Variants in CRTAC1 observed in about 807,000 individuals in gnomAD.
CRTAC1 encodes the protein acidic secreted protein in cartilage.
Under a neutral mutation model 67.8 loss-of-function variants are expected in CRTAC1, and 37 were observed. The observed-to-expected ratio is 0.55, with a 90% CI of 0.42 to 0.72. CRTAC1 has a LOEUF of 0.72. CRTAC1 is among the 30% of genes least tolerant of loss of function. The pLI, the probability that CRTAC1 is intolerant of heterozygous loss-of-function variation, is 0.00. For missense variants in CRTAC1, 780 were observed against 931.6 expected, an observed-to-expected ratio of 0.84 and a Z score of 2.12; for synonymous variants, 348 against 371.0, an observed-to-expected ratio of 0.94 and a Z score of 0.71.
chr10:98,022,122 G>A (rs746182333), intron 1 of CRTAC1, among the ~76,000 whole-genome samples: 1 of 152,048 alleles, frequency 6.6e-6, no homozygotes, highest in African/African-American at 2.4e-5. Context: ...TTGGGAGGCC[G>A]AGGCGGGCAG....
intron 2 of CRTAC1, among the ~76,000 whole-genome samples, chr10:97,994,799 G>C (rs1256104513): frequency 1.3e-5 from 2 of 152,218 alleles, no homozygotes; most frequent in African/African-American, 4.8e-5. Flanking sequence ...ACAGGATCCT[G>C]TGATTGGAAC....
chr10:97,866,743 T>C (rs1200250922), intron 14 of CRTAC1: 1 of 152,230 alleles, frequency 6.6e-6, no homozygotes, highest in East Asian at 1.9e-4. Flanking sequence ...TGTGAGTGCA[T>C]GCATGTGCAT....
At chr10:97,887,048 G>A (rs1221950775) in intron 11 of CRTAC1, among the ~76,000 whole-genome samples, 1 of 151,596 alleles carries the variant, frequency 6.6e-6, no homozygotes, top group Non-Finnish European at 1.5e-5. Context: ...ACATATAAAA[G>A]GTAAATATTT....
chr10:97,877,584 G>A (rs1026252825), intron 14 of CRTAC1, among the ~76,000 whole-genome samples: 6 of 152,290 alleles, frequency 3.9e-5, no homozygotes, highest in East Asian at 1.9e-4. Context: ...ACCATTGTAC[G>A]CCTAGAGCCT....
intron 14 of CRTAC1, 195 bp from the exon 15 acceptor site, chr10:97,865,909 T>G (rs1471888211): frequency 5.1e-6 from 4 of 783,856 alleles, no homozygotes; most frequent in Non-Finnish European, 7.6e-6. Flanking sequence ...TCAGTCCATT[T>G]CCTGACCTGG....
intron 3 of CRTAC1, among the ~76,000 whole-genome samples, chr10:97,927,468 A>C (rs2050938388): frequency 1.3e-5 from 2 of 152,170 alleles, no homozygotes; most frequent in African/African-American, 2.4e-5. Flanking sequence ...ACCACCTCTT[A>C]GCACCCTGCG....
intron 2 of CRTAC1, among the ~76,000 whole-genome samples, chr10:97,998,255 G>A (rs1842623779): frequency 6.6e-6 from 1 of 152,342 alleles, no homozygotes; most frequent in Non-Finnish European, 1.5e-5. Flanking sequence ...TTACAGGCAT[G>A]AGCCACTGTT....
At chr10:97,898,986 G>T (rs773405361) in intron 8 of CRTAC1, among the ~76,000 whole-genome samples, 5 of 152,086 alleles carry the variant, frequency 3.3e-5, no homozygotes, top group Admixed American at 2.0e-4. Flanking sequence ...GGTGCTGCAG[G>T]TATCATTAAA....
chr10:97,881,965 TC>T (rs2050220522), intron 13 of CRTAC1, among the ~76,000 whole-genome samples: 1 of 152,124 alleles, frequency 6.6e-6, no homozygotes, highest in Admixed American at 6.5e-5. Context: ...GCCCCTGCCC[TC>T]CCCCATCTGG....
intron 2 of CRTAC1, among the ~76,000 whole-genome samples, chr10:97,961,254 CTTCT>C (rs929355563): frequency 3.3e-5 from 5 of 152,074 alleles, no homozygotes; most frequent in Admixed American, 6.5e-5. Context: ...TAACTTCTAT[CTTCT>C]TTCTCTCTTA....
intron 3 of CRTAC1, among the ~76,000 whole-genome samples, chr10:97,933,929 T>G (rs2136610805): frequency 6.6e-6 from 1 of 152,286 alleles, no homozygotes; most frequent in South Asian, 2.1e-4. Context: ...TTAGCTGGGA[T>G]TGTTGAAAGC....
At chr10:97,918,691 C>G (rs1163090425) in intron 4 of CRTAC1, among the ~76,000 whole-genome samples, 1 of 152,190 alleles carries the variant, frequency 6.6e-6, no homozygotes, top group Non-Finnish European at 1.5e-5. Flanking sequence ...TGGTGGTCCT[C>G]TTTCCTTGCT....
intron 1 of CRTAC1, among the ~76,000 whole-genome samples, chr10:98,018,068 G>A (rs1280527157): frequency 2.0e-5 from 3 of 151,434 alleles, no homozygotes. Flanking sequence ...GTGTGGTAAG[G>A]GGCACCGCCT....
chr10:97,971,001 T>C (rs570880689), intron 2 of CRTAC1, among the ~76,000 whole-genome samples: 12 of 152,314 alleles, frequency 7.9e-5, no homozygotes, highest in African/African-American at 2.9e-4. Flanking sequence ...TTTACCTTCA[T>C]TAGGAATGAT....
chr10:97,952,283 C>T (rs1255882130), intron 2 of CRTAC1, among the ~76,000 whole-genome samples: 1 of 150,636 alleles, frequency 6.6e-6, no homozygotes, highest in Non-Finnish European at 1.5e-5. Context: ...ACCCAGGAGG[C>T]GGAGCTTGCA....
At chr10:97,999,358 G>A (rs772268743) in intron 2 of CRTAC1, among the ~76,000 whole-genome samples, 15 of 152,212 alleles carry the variant, frequency 9.9e-5, no homozygotes, top group Non-Finnish European at 1.9e-4. Flanking sequence ...CCCTGCTGTT[G>A]GCACCTGCTT....
chr10:97,896,098 A>C (rs1564883137), intron 9 of CRTAC1, 113 bp from the exon 10 acceptor site: 3 of 892,008 alleles, frequency 3.4e-6, no homozygotes, highest in African/African-American at 1.6e-5. Context: ...CAGAGAAAGC[A>C]CAGCACCGGG....
At chr10:97,915,079 G>A (rs919176886) in intron 5 of CRTAC1, among the ~76,000 whole-genome samples, 1 of 152,168 alleles carries the variant, frequency 6.6e-6, no homozygotes, top group African/African-American at 2.4e-5. Context: ...GACCTCCCCC[G>A]CTGTCCTGAA....
chr10:97,911,095 G>A (rs2050682741), intron 5 of CRTAC1, among the ~76,000 whole-genome samples: 2 of 152,218 alleles, frequency 1.3e-5, no homozygotes, highest in South Asian at 4.1e-4. Context: ...GTGCCACTAA[G>A]TGGTTGCTGG....
Sources: allele counts gnomAD v4.1 joint callset (sites outside exome capture counted in the v4.1 genomes callset), GRCh38; gene constraint gnomAD v4.1.1; transcripts MANE v1.5; gene names NCBI Gene and HGNC (gene_info 2026-07-23, HGNC 2026-07-21).